The following DENND1A variants were observed in gnomAD, a reference collection of about 807,000 sequenced individuals.
The protein encoded by DENND1A is DENN domain-containing protein 1A.
A neutral mutation model predicts 113.7 loss-of-function variants in DENND1A; 51 were observed. That is an observed-to-expected ratio of 0.45 (90% CI 0.36 to 0.57). The LOEUF (loss-of-function observed/expected upper bound fraction) is 0.57. Ranked by LOEUF, DENND1A falls within the 20% of genes least tolerant of loss-of-function variation. The pLI is 0.00. For missense variants in DENND1A, 1,258 were observed against 1,395.9 expected (o/e 0.90, Z 1.57); for synonymous variants, 565 against 570.8 (o/e 0.99, Z 0.14).
chr9:123,499,601 T>C (rs1290868179), intron 13 of DENND1A, among the ~76,000 whole-genome samples: 2 of 152,144 alleles, frequency 1.3e-5, no homozygotes, highest in African/African-American at 2.4e-5. Flanking sequence ...AGCACAAAGA[T>C]ATTAAAAACT....
At chr9:123,703,595 A>G (rs928949731) in intron 5 of DENND1A, among the ~76,000 whole-genome samples, 7 of 152,318 alleles carry the variant, frequency 4.6e-5, no homozygotes, top group Non-Finnish European at 7.3e-5. Context: ...AGGACCTAGA[A>G]AACAATGAAA....
chr9:123,817,735 A>C (rs1358219730), intron 2 of DENND1A, among the ~76,000 whole-genome samples: 3 of 152,190 alleles, frequency 2.0e-5, no homozygotes, highest in African/African-American at 7.2e-5. Context: ...AATATACTAT[A>C]GAAAATGCTG....
chr9:123,666,960 T>G, intron 8 of DENND1A, 66 bp downstream of exon 8: 3 of 1,400,882 alleles, frequency 2.1e-6, no homozygotes, highest in Non-Finnish European at 9.6e-7. Context: ...CTTTATTTAT[T>G]CAAACAAATA....
At chr9:123,511,178 T>C (rs2053429450) in intron 13 of DENND1A, among the ~76,000 whole-genome samples, 1 of 152,202 alleles carries the variant, frequency 6.6e-6, no homozygotes. Context: ...ACTTCTGCCA[T>C]GCTTCCACAG....
chr9:123,710,140 C>T lies in DENND1A; in HGVS notation c.303-33351G>A, dbSNP rs117968638. On this transcript the variant is annotated intron_variant, in intron 5 of 23. Coordinates refer to ENST00000394215, the MANE Select transcript of DENND1A (RefSeq NM_001352964.2). ...CCAACATACCTAAGAACTACGAAAG[C>T]ACTTCCAAATCTTTACCTAGCTCTA... Among the ~76,000 whole-genome samples, 817 of 152,330 alleles carry T rather than the reference C, an allele frequency of 5.4e-3. 6 individuals are homozygous for T. Among genetic ancestry groups the T allele is most frequent in the Non-Finnish European group, 9.3e-3 (630 of 68,030 alleles).
intron 13 of DENND1A, among the ~76,000 whole-genome samples, chr9:123,468,760 G>A (rs973182267): frequency 2.0e-5 from 3 of 152,212 alleles, no homozygotes; most frequent in Non-Finnish European, 4.4e-5. Context: ...AGAGAGTGGG[G>A]ACAGCAGGCT....
chr9:123,813,712 T>TA (rs1442096274), intron 2 of DENND1A, among the ~76,000 whole-genome samples: 6 of 151,994 alleles, frequency 3.9e-5, no homozygotes, highest in Non-Finnish European at 7.4e-5. Flanking sequence ...GTCTAATAAG[T>TA]AAAAAAAATT....
At chr9:123,804,321 T>C (rs1340368534) in intron 2 of DENND1A, among the ~76,000 whole-genome samples, 1 of 152,232 alleles carries the variant, frequency 6.6e-6, no homozygotes, top group Non-Finnish European at 1.5e-5. Context: ...CCTCTTTCTT[T>C]TATAAATTGC....
At chr9:123,439,299 A>G (rs1046145521) in intron 19 of DENND1A, among the ~76,000 whole-genome samples, 1 of 152,260 alleles carries the variant, frequency 6.6e-6, no homozygotes, top group Non-Finnish European at 1.5e-5. Flanking sequence ...TCCCCAAGTT[A>G]AAGATGTATA....
intron 9 of DENND1A, among the ~76,000 whole-genome samples, chr9:123,639,392 T>C (rs2061901201): frequency 7.6e-6 from 1 of 131,714 alleles, no homozygotes; most frequent in Non-Finnish European, 1.5e-5. Flanking sequence ...TGAGCAAAGA[T>C]AACCCCACTA....
chr9:123,455,413 C>T (rs980031008), intron 15 of DENND1A, among the ~76,000 whole-genome samples: 2 of 152,238 alleles, frequency 1.3e-5, no homozygotes, highest in African/African-American at 2.4e-5. Flanking sequence ...TAAGGGACCA[C>T]GGGGTCCATA....
chr9:123,731,355 G>T (rs2068156747), intron 5 of DENND1A, among the ~76,000 whole-genome samples: 1 of 152,126 alleles, frequency 6.6e-6, no homozygotes, highest in African/African-American at 2.4e-5. Flanking sequence ...TAATACTGAT[G>T]GATACGCAGA....
At chr9:123,539,106 TG>T in intron 13 of DENND1A, among the ~76,000 whole-genome samples, 1 of 152,032 alleles carries the variant, frequency 6.6e-6, no homozygotes, top group African/African-American at 2.4e-5. Context: ...CAACTCCCAG[TG>T]AATAAACAGA....
At chr9:123,637,918 C>G (rs1296857934) in intron 9 of DENND1A, among the ~76,000 whole-genome samples, 1 of 104,614 alleles carries the variant, frequency 9.6e-6, no homozygotes, top group South Asian at 3.5e-4. Context: ...TAAACACACA[C>G]ACACACACAC....
chr9:123,814,048 T>A (rs1173544135), intron 2 of DENND1A, among the ~76,000 whole-genome samples: 1 of 152,206 alleles, frequency 6.6e-6, no homozygotes, highest in Non-Finnish European at 1.5e-5. Flanking sequence ...ACTTACAGAT[T>A]TTTACATAAT....
At chr9:123,529,423 T>C (rs1487153027) in intron 13 of DENND1A, among the ~76,000 whole-genome samples, 1 of 152,114 alleles carries the variant, frequency 6.6e-6, no homozygotes, top group Admixed American at 6.6e-5. Flanking sequence ...TAGACTAGCA[T>C]TGTAAACATT....
intron 5 of DENND1A, among the ~76,000 whole-genome samples, chr9:123,685,699 T>C (rs1397903896): frequency 6.6e-6 from 1 of 152,160 alleles, no homozygotes; most frequent in Non-Finnish European, 1.5e-5. Flanking sequence ...ACCGGTGAAG[T>C]GTTGGTAACA....
In DENND1A at chr9:123,403,286, G is replaced by A. The variant is rs111458914; in HGVS notation, c.1631+116C>T. ...TGAATGACCCCTTTGTGAAACACCCGCTGGGAGCCCCGGGGAAGCCTCACA... is the reference window on the plus strand; with the variant it reads ...TGAATGACCCCTTTGTGAAACACCCACTGGGAGCCCCGGGGAAGCCTCACA... On this transcript the variant is annotated intron_variant, in intron 21 of 23. Transcript: ENST00000394215. 7.6e-4 allele frequency: 777 copies of A among 1,018,524 alleles called. 3 individuals are homozygous for A. The highest frequency in any genetic ancestry group is 3.8e-3 in the South Asian group (269 of 71,200). The allele number at this position is 1,018,524 out of a possible 1,614,324, so 63.1% of individuals were successfully genotyped here.
At chr9:123,806,355 A>C (rs1034479062) in intron 2 of DENND1A, among the ~76,000 whole-genome samples, 2 of 152,126 alleles carry the variant, frequency 1.3e-5, no homozygotes, top group Non-Finnish European at 2.9e-5. Context: ...TCCTGGGTTC[A>C]AGCGATTCTC....
Sources: allele counts gnomAD v4.1 joint callset (sites outside exome capture counted in the v4.1 genomes callset), GRCh38; gene constraint gnomAD v4.1.1; transcripts MANE v1.5; gene names NCBI Gene and HGNC (gene_info 2026-07-23, HGNC 2026-07-21).